Variants in KCNAB1 observed in about 807,000 individuals in gnomAD.
KCNAB1 encodes voltage-gated potassium channel subunit beta-1.
KCNAB1 carries 35 observed loss-of-function variants against 64.6 expected under a neutral mutation model. The observed-to-expected ratio is 0.54, with a 90% CI of 0.41 to 0.72. KCNAB1 has a LOEUF of 0.72. KCNAB1 is among the 30% of genes least tolerant of loss of function. The pLI is 0.00. For missense variants in KCNAB1, 401 were observed against 512.9 expected (o/e 0.78, Z 2.11); for synonymous variants, 177 against 183.8 (o/e 0.96, Z 0.30).
intron 1 of KCNAB1, among the ~76,000 whole-genome samples, chr3:156,371,481 T>G (rs1028957702): frequency 4.6e-5 from 7 of 152,214 alleles, no homozygotes; most frequent in Admixed American, 3.9e-4. Context: ...TTTCTTCCTC[T>G]TGAAATTGTC....
At chr3:156,138,619 A>G (rs528043390) in intron 1 of KCNAB1, among the ~76,000 whole-genome samples, 1 of 152,376 alleles carries the variant, frequency 6.6e-6, no homozygotes, top group East Asian at 1.9e-4. Flanking sequence ...TTTTATAACT[A>G]GTGAATAATT....
At chr3:156,384,744 A>C (rs543900577) in intron 1 of KCNAB1, among the ~76,000 whole-genome samples, 1 of 152,198 alleles carries the variant, frequency 6.6e-6, no homozygotes, top group Non-Finnish European at 1.5e-5. Context: ...CAGAACTTGT[A>C]CTATTTCTTC....
chr3:156,335,050 C>A (rs2108052526), intron 1 of KCNAB1, among the ~76,000 whole-genome samples: 1 of 152,302 alleles, frequency 6.6e-6, no homozygotes, highest in South Asian at 2.1e-4. Context: ...ACAATGCTTT[C>A]CTGCTTAAAG....
At chr3:156,158,190 ATAAATAAAT>A (rs1560112477) in intron 1 of KCNAB1, among the ~76,000 whole-genome samples, 15 of 126,690 alleles carry the variant, frequency 1.2e-4, no homozygotes, top group African/African-American at 1.9e-4. Flanking sequence ...AAATAAATAA[ATAAATAAAT>A]AAATAAATAA....
chr3:156,185,424 C>T (rs147887089), intron 1 of KCNAB1, among the ~76,000 whole-genome samples: 31 of 152,324 alleles, frequency 2.0e-4, no homozygotes, highest in Middle Eastern at 6.8e-3. Flanking sequence ...CCTCTATTCT[C>T]TTAGAGTTTT....
At chr3:156,274,321 G>A (rs374408857) in intron 1 of KCNAB1, among the ~76,000 whole-genome samples, 1 of 152,168 alleles carries the variant, frequency 6.6e-6, no homozygotes, top group Non-Finnish European at 1.5e-5. Flanking sequence ...ATGTATCCCT[G>A]TTCCTGCCCT....
chr3:156,291,852 C>A (rs1037663445), intron 1 of KCNAB1: 4 of 1,607,298 alleles, frequency 2.5e-6, no homozygotes, highest in Non-Finnish European at 3.4e-6. Context: ...CTCAACCTCT[C>A]GTGACTGCCT....
chr3:156,341,913 A>C (rs1160471769), intron 1 of KCNAB1, among the ~76,000 whole-genome samples: 1 of 152,198 alleles, frequency 6.6e-6, no homozygotes, highest in African/African-American at 2.4e-5. Flanking sequence ...CATTTAAAAT[A>C]GATTTCATGA....
chr3:156,339,627 A>C (rs147581179), intron 1 of KCNAB1, among the ~76,000 whole-genome samples: 8 of 152,320 alleles, frequency 5.3e-5, no homozygotes, highest in Non-Finnish European at 1.0e-4. Context: ...TGTGATAATA[A>C]TACCTGTGTC....
At chr3:156,137,311 A>C (rs1028248124) in intron 1 of KCNAB1, among the ~76,000 whole-genome samples, 1 of 152,082 alleles carries the variant, frequency 6.6e-6, no homozygotes, top group Non-Finnish European at 1.5e-5. Context: ...GAGACTGAAG[A>C]TGCTACCTTT....
In KCNAB1 at chr3:156,319,033, A is replaced by C. The variant is rs1430091734; in HGVS notation, c.276-102583A>C. 2.0e-5 allele frequency among the ~76,000 whole-genome samples: 3 copies of C among 152,214 alleles called. No homozygotes were observed. The South Asian group carries it at 6.2e-4, about 32-fold the overall frequency. ...TATTTCAAAAATAAATACAAAAACA[A>C]AAGCAAAAGATTAATAAATAAAGTT... On this transcript the variant is annotated intron_variant, in intron 1 of 13. Transcript: ENST00000490337.
At chr3:156,475,714 G>A (rs889223328) in intron 8 of KCNAB1, among the ~76,000 whole-genome samples, 4 of 152,154 alleles carry the variant, frequency 2.6e-5, no homozygotes, top group African/African-American at 9.7e-5. Flanking sequence ...CAAAAGGCAG[G>A]ATCTTGTAAT....
rs563172531 is a variant in KCNAB1 at position 156,417,591 on chromosome 3, T to G, written c.276-4025T>G. 7.2e-5 allele frequency among the ~76,000 whole-genome samples: 11 copies of G among 152,246 alleles called. No individual in the cohort carries two copies. The South Asian group carries it at 2.3e-3, about 32-fold the overall frequency. ...AACAAGCCATTTAAAACAACAAATT[T>G]GGGTTACGAATTTTCTGCTTTTAGC... On this transcript the variant is annotated intron_variant, in intron 1 of 13. Coordinates refer to ENST00000490337, the MANE Select transcript of KCNAB1 (RefSeq NM_172160.3).
intron 11 of KCNAB1, among the ~76,000 whole-genome samples, chr3:156,521,224 G>C (rs924603566): frequency 6.6e-6 from 1 of 152,170 alleles, no homozygotes; most frequent in Non-Finnish European, 1.5e-5. Context: ...AACCCTCAAG[G>C]AGTAGCTCCG....
At chr3:156,394,683 G>A (rs182880895) in intron 1 of KCNAB1, among the ~76,000 whole-genome samples, 38 of 152,316 alleles carry the variant, frequency 2.5e-4, no homozygotes, top group Admixed American at 2.2e-3. Flanking sequence ...CTGCCTTCAT[G>A]TTACCCTCAG....
Position 156,278,947 on chromosome 3 carries a change from T to A in KCNAB1, c.276-142669T>A, listed in dbSNP as rs190152785. On this transcript the variant is annotated intron_variant, in intron 1 of 13. Coordinates refer to ENST00000490337, the MANE Select transcript of KCNAB1 (RefSeq NM_172160.3). ...AATTTGGGAATACTTTATTTTATTT[T>A]TTTATTTATTTTTATTTATTTTTTA... 9.6e-3 allele frequency among the ~76,000 whole-genome samples: 1,458 copies of A among 152,010 alleles called. 18 individuals carry two copies. Among genetic ancestry groups the A allele is most frequent in the Middle Eastern group, 0.027 (8 of 294 alleles).
At chr3:156,475,137 T>G (rs1401278857) in intron 8 of KCNAB1, among the ~76,000 whole-genome samples, 1 of 152,228 alleles carries the variant, frequency 6.6e-6, no homozygotes, top group East Asian at 1.9e-4. Flanking sequence ...AAAGGGGCTT[T>G]ATAACTCAGC....
intron 2 of KCNAB1, among the ~76,000 whole-genome samples, chr3:156,427,357 T>C (rs1162918383): frequency 6.6e-6 from 1 of 152,090 alleles, no homozygotes; most frequent in Non-Finnish European, 1.5e-5. Context: ...ATGATTGTCA[T>C]TGAGATCACC....
intron 1 of KCNAB1, among the ~76,000 whole-genome samples, chr3:156,179,054 T>G (rs1167649298): frequency 6.6e-6 from 1 of 151,056 alleles, no homozygotes; most frequent in Non-Finnish European, 1.5e-5. Flanking sequence ...TAAGTAATTG[T>G]AATGAGCATG....
Sources: allele counts gnomAD v4.1 joint callset (sites outside exome capture counted in the v4.1 genomes callset), GRCh38; gene constraint gnomAD v4.1.1; transcripts MANE v1.5; gene names NCBI Gene and HGNC (gene_info 2026-07-23, HGNC 2026-07-21).